LRRC45: variants seen among roughly 807,000 people sequenced by gnomAD.
LRRC45 encodes leucine-rich repeat-containing protein 45.
In LRRC45, 73 loss-of-function variants were observed where a neutral mutation model predicts 85.4. The observed-to-expected ratio is 0.85, with a 90% CI of 0.71 to 1.04. The LOEUF is 1.04. LRRC45 is among the 50% of genes least tolerant of loss of function. The probability of loss-of-function intolerance (pLI) is 0.00; values close to 1 mark genes in which losing one functional copy is unlikely to be tolerated. For missense variants in LRRC45, 937 were observed against 883.3 expected (o/e 1.06, Z -0.77); for synonymous variants, 429 against 386.0 (o/e 1.11, Z -1.31).
rs2043415189 is a variant in LRRC45, at chr17:82,030,875, T to C, written c.*70T>C. On this transcript the variant is annotated 3_prime_UTR_variant, in exon 17 of 17. Transcript: ENST00000306688. ...CGCCCGAGATGGACCAGGGGCTGCGTCCCGCCCGCGCCGCCTCTTTGAGAC... is the reference window on the plus strand; with the variant it reads ...CGCCCGAGATGGACCAGGGGCTGCGCCCCGCCCGCGCCGCCTCTTTGAGAC... 1.7e-6 allele frequency: 2 copies of C among 1,169,844 alleles called. No homozygotes were observed. The highest frequency in any genetic ancestry group is 2.2e-6 in the Non-Finnish European group (2 of 906,920). The allele number at this position is 1,169,844 out of a possible 1,614,324, so 72.5% of individuals were successfully genotyped here. A position where few individuals can be genotyped will look rare whatever the true frequency, so the allele number is the denominator to read the frequency against.
chr17:82,024,215 G>A, intron 1 of LRRC45, 63 bp from the exon 2 acceptor site: 3 of 1,575,762 alleles, frequency 1.9e-6, no homozygotes, highest in Non-Finnish European at 1.7e-6. Context: ...CTGAAAAGGG[G>A]CCCACGGGGA....
Position 82,028,729 on chromosome 17 carries a change from G to A in LRRC45, c.1308+46G>A, listed in dbSNP as rs201394361. The A allele has an allele frequency of 2.1e-3, 3,264 of 1,568,160 alleles. 7 individuals carry two copies. Among genetic ancestry groups the A allele is most frequent in the Non-Finnish European group, 2.6e-3 (2,972 of 1,154,936 alleles). ...TAATGCGCCTCAGTCTCTGGTCTTG[G>A]TGTCACGCAGGTGTCCCCAAAGCAC... On this transcript the variant is annotated intron_variant, in intron 12 of 16. Transcript: ENST00000306688.
At chr17:82,027,988 G>A in intron 8 of LRRC45, 23 bp from the exon 9 acceptor site, 1 of 1,581,806 alleles carries the variant, frequency 6.3e-7, no homozygotes, top group African/African-American at 1.3e-5. Flanking sequence ...CCGGGGCGGG[G>A]GTGCTGCCCC....
rs1210289214 is a variant in LRRC45, at chr17:82,030,250, T to G, written c.1668+12T>G. The G allele has an allele frequency of 5.2e-6, 8 of 1,533,520 alleles. No individual in the cohort carries two copies. The highest frequency in any genetic ancestry group is 7.0e-6 in the Non-Finnish European group (8 of 1,135,904). The allele number at this position is 1,533,520 out of a possible 1,614,324, so 95.0% of individuals were successfully genotyped here. A position where few individuals can be genotyped will look rare whatever the true frequency, so the allele number is the denominator to read the frequency against. On this transcript the variant is annotated intron_variant, in intron 15 of 16. Coordinates refer to ENST00000306688, the MANE Select transcript of LRRC45 (RefSeq NM_144999.4). ...AAGAGCTGCAGCAGGTAGGCGGGGC[T>G]CCGGTGGGGGGCCCCGGGCGTGCTA...
chr17:82,030,533 G>A, intron 16 of LRRC45, 67 bp downstream of exon 16: 1 of 1,510,474 alleles, frequency 6.6e-7, no homozygotes, highest in Non-Finnish European at 8.8e-7. Context: ...GAGCGGGGCT[G>A]GCCAGGTCTC....
At chr17:82,024,871 C>G (rs1048394889) in intron 3 of LRRC45, 108 bp downstream of exon 3, 32 of 1,442,368 alleles carry the variant, frequency 2.2e-5, no homozygotes, top group Non-Finnish European at 2.9e-5. Context: ...GCCCATGTTT[C>G]ACATACGTTG....
intron 5 of LRRC45, 164 bp from the exon 6 acceptor site, chr17:82,026,735 T>C: frequency 1.9e-6 from 1 of 517,756 alleles, no homozygotes; most frequent in Admixed American, 2.6e-5. Context: ...TGCGCTACCA[T>C]GCCCAGCTAC....
Position 82,029,646 on chromosome 17 carries a change from C to G in LRRC45, c.1494+11C>G. 1 of 1,558,954 alleles carries G rather than the reference C, an allele frequency of 6.4e-7. No homozygotes were observed. The highest frequency in any genetic ancestry group is 8.7e-7 in the Non-Finnish European group (1 of 1,152,808). ...GCCCGCCTGGAGGAGGTGAGCCACA[C>G]ATGTCCGCCACCCTCCGGGGGAGCC... On this transcript the variant is annotated intron_variant, in intron 14 of 16. Transcript: ENST00000306688.
rs762689620 is a variant in LRRC45 at position 82,026,933 on chromosome 17, C to A, written c.696C>A (p.Thr232=). 6.2e-7 allele frequency: 1 copy of A among 1,607,992 alleles called. No homozygotes were observed. Among genetic ancestry groups the A allele is most frequent in the African/African-American group, 1.3e-5 (1 of 74,914 alleles). ...TGGGCCACAGCCAGGACCGGCTCACCACCTTCCAGGAGAACCAAGCCCGCA... is the reference window on the plus strand; with the variant it reads ...TGGGCCACAGCCAGGACCGGCTCACAACCTTCCAGGAGAACCAAGCCCGCA... The part of the protein sequence containing the change: ...QAMGHSQDRL[T]TFQENQARTH... The change falls in exon 6 of 17, where the codon ACC becomes ACA. Residue 232 remains threonine, a synonymous_variant. Transcript: ENST00000306688.
Position 82,027,765 on chromosome 17 carries a change from G to A in LRRC45, c.911+14G>A. 1 of 1,608,870 alleles carries A rather than the reference G, an allele frequency of 6.2e-7. No individual in the cohort carries two copies. Among genetic ancestry groups the A allele is most frequent in the Non-Finnish European group, 8.5e-7 (1 of 1,178,006 alleles). On this transcript the variant is annotated intron_variant, in intron 8 of 16. Coordinates refer to ENST00000306688, the MANE Select transcript of LRRC45 (RefSeq NM_144999.4). ...TCTCAAGGCCAAGTAAGTGGGGGGT[G>A]GCCTCAGGATACTTCAGAGACGTGC...
rs374105459 is a variant in LRRC45, at chr17:82,027,616, G to A, written c.834-58G>A. On this transcript the variant is annotated intron_variant, in intron 7 of 16. Transcript: ENST00000306688. ...ACAGCAGCAGCTACCGAGGCCAGAG[G>A]GGTATGGGAGCGCTCTGGGGTTTGG... 4.6e-4 allele frequency: 720 copies of A among 1,560,002 alleles called. 4 individuals carry two copies. In the African/African-American group the frequency reaches 8.6e-3, roughly 19 times the overall value.
At chr17:82,027,264 C>A in intron 6 of LRRC45, 122 bp from the exon 7 acceptor site, 1 of 1,249,918 alleles carries the variant, frequency 8.0e-7, no homozygotes. Context: ...AGACAGGGCA[C>A]CGTGGGTGGA....
At position 82,024,221 on chromosome 17, in the gene LRRC45, G is replaced by A. The variant is rs73999342; in HGVS notation, c.221-57G>A. The A allele has an allele frequency of 6.2e-3, 9,891 of 1,585,426 alleles. 541 individuals carry two copies. The African/African-American group carries it at 0.12, about 19-fold the overall frequency. ...GGAGCTGCCCTGAAAAGGGGCCCAC[G>A]GGGAGGGCCTTGGGGTCAGCAGGGG... On this transcript the variant is annotated intron_variant, in intron 1 of 16. Transcript: ENST00000306688.
chr17:82,026,083 G>A (rs2043365755), intron 5 of LRRC45, among the ~76,000 whole-genome samples: 1 of 152,176 alleles, frequency 6.6e-6, no homozygotes, highest in Non-Finnish European at 1.5e-5. Context: ...CCCCTGTGCT[G>A]AGGGCTCATC....
At position 82,028,360 on chromosome 17, in the gene LRRC45, C is replaced by G. The variant is rs746467921; in HGVS notation, c.1126-37C>G. ...GGAGCCCAGGGTGGGCGCGGCAGGG[C>G]TGGGCTGCAGCTTCCCTCCCTGGTG... On this transcript the variant is annotated intron_variant, in intron 10 of 16. Coordinates refer to ENST00000306688, the MANE Select transcript of LRRC45 (RefSeq NM_144999.4). 5.0e-6 allele frequency: 8 copies of G among 1,609,128 alleles called. No homozygotes were observed. In the Admixed American group the frequency reaches 1.2e-4, roughly 24 times the overall value.
At chr17:82,027,282 G>C in intron 6 of LRRC45, 104 bp from the exon 7 acceptor site, 1 of 1,431,584 alleles carries the variant, frequency 7.0e-7, no homozygotes, top group Admixed American at 1.7e-5. Context: ...GGAACCCTCC[G>C]CTGCCTTGCC....
intron 2 of LRRC45, 40 bp downstream of exon 2, chr17:82,024,379 C>T: frequency 3.1e-6 from 5 of 1,608,810 alleles, no homozygotes; most frequent in Non-Finnish European, 4.2e-6. Flanking sequence ...GTGTGCCACC[C>T]AAGGGCAAGA....
In LRRC45 at chr17:82,023,331, C is replaced by T; in HGVS notation, c.-313C>T. On this transcript the variant is annotated 5_prime_UTR_variant, in exon 1 of 17. In the 5' UTR this introduces an upstream ATG that the reference lacks. Coordinates refer to ENST00000306688, the MANE Select transcript of LRRC45 (RefSeq NM_144999.4). ...TTCTTCCTGGATACTGAGGCCCCGACGCGGCTGTCGCGAGGGCGGGGGTCG... is the reference window on the plus strand; with the variant it reads ...TTCTTCCTGGATACTGAGGCCCCGATGCGGCTGTCGCGAGGGCGGGGGTCG... 4.4e-6 allele frequency: 2 copies of T among 450,954 alleles called. No individual in the cohort carries two copies. The highest frequency in any genetic ancestry group is 7.9e-6 in the Non-Finnish European group (2 of 254,760). 27.9% of individuals were successfully genotyped at this position (450,954 alleles called of 1,614,324 possible). A position where few individuals can be genotyped will look rare whatever the true frequency, so the allele number is the denominator to read the frequency against.
chr17:82,028,702 T>G lies in LRRC45; in HGVS notation c.1308+19T>G, dbSNP rs781194406. 8.6e-5 allele frequency: 138 copies of G among 1,603,438 alleles called. 2 individuals carry two copies. The South Asian group carries it at 1.5e-3, about 17-fold the overall frequency. On this transcript the variant is annotated intron_variant, in intron 12 of 16. Transcript: ENST00000306688. ...CAAGGAGGTGCCCTCTTCGTTGGCC[T>G]CTAATGCGCCTCAGTCTCTGGTCTT...
Sources: gnomAD v4.1 joint callset for allele counts (sites outside exome capture counted in the v4.1 genomes callset) on GRCh38, gnomAD v4.1.1 for gene constraint, MANE v1.5 for transcripts, NCBI Gene and HGNC (gene_info 2026-07-23, HGNC 2026-07-21) for gene names.